STK32C: variants seen among roughly 807,000 people sequenced by gnomAD.
The protein encoded by STK32C is serine/threonine-protein kinase 32C.
STK32C carries 31 observed loss-of-function variants against 56.5 expected under a neutral mutation model. That is an observed-to-expected ratio of 0.55 (90% CI 0.41 to 0.74). STK32C has a LOEUF of 0.74. Ranked by LOEUF, STK32C falls within the 30% of genes least tolerant of loss-of-function variation. STK32C has a pLI of 0.00. For missense variants in STK32C, 544 were observed against 676.9 expected (o/e 0.80, Z 2.18); for synonymous variants, 309 against 289.4 (o/e 1.07, Z -0.69).
intron 10 of STK32C, among the ~76,000 whole-genome samples, 186 bp downstream of exon 10, chr10:132,222,455 A>T (rs1303700543): frequency 6.6e-6 from 1 of 152,126 alleles, no homozygotes; most frequent in Non-Finnish European, 1.5e-5. Context: ...CCTGCTTCAT[A>T]AGGAGCGAGG....
intron 1 of STK32C, among the ~76,000 whole-genome samples, chr10:132,283,216 G>A (rs565888877): frequency 3.9e-5 from 6 of 152,368 alleles, no homozygotes; most frequent in Admixed American, 1.3e-4. Context: ...CTCTGTGAGC[G>A]CTACTGAAGA....
At chr10:132,294,999 G>A (rs2065694392) in intron 1 of STK32C, among the ~76,000 whole-genome samples, 1 of 152,194 alleles carries the variant, frequency 6.6e-6, no homozygotes, top group Admixed American at 6.5e-5. Context: ...GATGTCAGCG[G>A]CCTCTGCCCC....
At chr10:132,246,290 A>AC (rs1275909847) in intron 1 of STK32C, among the ~76,000 whole-genome samples, 3 of 152,152 alleles carry the variant, frequency 2.0e-5, no homozygotes, top group South Asian at 4.1e-4. Context: ...GGCACCAGCC[A>AC]CCCCCACTGA....
intron 1 of STK32C, chr10:132,249,017 G>A (rs1479498555): frequency 8.6e-6 from 4 of 467,302 alleles, no homozygotes; most frequent in South Asian, 6.2e-5. Flanking sequence ...TGGGTCACCT[G>A]CGCCCTGCAC....
intron 10 of STK32C, 141 bp from the exon 11 acceptor site, chr10:132,209,242 G>T: frequency 1.3e-6 from 1 of 780,230 alleles, no homozygotes; most frequent in Non-Finnish European, 2.2e-6. Context: ...GAAGTGCCCC[G>T]GCCCTCCAGC....
intron 10 of STK32C, among the ~76,000 whole-genome samples, chr10:132,217,297 G>T (rs2062502787): frequency 6.6e-6 from 1 of 152,162 alleles, no homozygotes; most frequent in Admixed American, 6.5e-5. Context: ...ACTTGCATGG[G>T]GCCTGTAGCC....
intron 1 of STK32C, among the ~76,000 whole-genome samples, chr10:132,290,300 CTCAT>C (rs1404512499): frequency 6.6e-6 from 1 of 152,242 alleles, no homozygotes; most frequent in African/African-American, 2.4e-5. Context: ...TCCACATTGA[CTCAT>C]TCACTTTCTC....
chr10:132,263,257 T>C (rs1301517672), intron 1 of STK32C, among the ~76,000 whole-genome samples: 1 of 151,958 alleles, frequency 6.6e-6, no homozygotes, highest in East Asian at 1.9e-4. Context: ...TATCACACAA[T>C]CGTAAAAAAG....
At chr10:132,268,080 T>C (rs2064644525) in intron 1 of STK32C, among the ~76,000 whole-genome samples, 1 of 150,864 alleles carries the variant, frequency 6.6e-6, no homozygotes, top group South Asian at 2.1e-4. Context: ...CGTGTGTGTG[T>C]GTGTCGGTGT....
Position 132,226,876 on chromosome 10 carries a change from A to C in STK32C, c.563T>G (p.Phe188Cys). ...GTACAGCCTCACCGTGTCCTCGGAGAACTGCACGTTCTGCTGCAGGTGGTA... is the reference window on the plus strand; with the variant it reads ...GTACAGCCTCACCGTGTCCTCGGAGCACTGCACGTTCTGCTGCAGGTGGTA... Reference protein sequence around the residue: ...LRYHLQQNVQFSEDTVRLYIC... With the variant: ...LRYHLQQNVQCSEDTVRLYIC... The change falls in exon 4 of 12, where the codon TTC becomes TGC. Residue 188 changes from phenylalanine to cysteine, a missense_variant. Transcript: ENST00000298630. 1 of 1,613,458 alleles carries C rather than the reference A, an allele frequency of 6.2e-7. No individual in the cohort carries two copies. Among genetic ancestry groups the C allele is most frequent in the Non-Finnish European group, 8.5e-7 (1 of 1,180,024 alleles).
chr10:132,262,753 CAAAA>C (rs34135037), intron 1 of STK32C, among the ~76,000 whole-genome samples: 18 of 73,412 alleles, frequency 2.5e-4, no homozygotes, highest in African/African-American at 7.3e-4. Flanking sequence ...GACTCCATCT[CAAAA>C]AAAAAAAAAA....
chr10:132,269,926 G>A (rs559101816), intron 1 of STK32C, among the ~76,000 whole-genome samples: 14 of 152,352 alleles, frequency 9.2e-5, no homozygotes, highest in Admixed American at 2.0e-4. Context: ...CGTGGGCCCC[G>A]GATGCCTGAG....
downstream of STK32C, among the ~76,000 whole-genome samples, chr10:132,322,966 T>C (rs575389592): frequency 6.6e-6 from 1 of 152,182 alleles, no homozygotes; most frequent in Non-Finnish European, 1.5e-5. Context: ...AAAGAACAGA[T>C]AGCTGGTTCT....
At chr10:132,224,263 G>GC (rs1565075390) in intron 8 of STK32C, 144 bp downstream of exon 8, 5 of 659,330 alleles carry the variant, frequency 7.6e-6, no homozygotes, top group African/African-American at 5.3e-5. Context: ...ATCTGCGGAG[G>GC]CCCCCACAGG....
intron 4 of STK32C, 78 bp downstream of exon 4, chr10:132,226,717 C>T (rs1280752628): frequency 2.6e-6 from 4 of 1,543,856 alleles, no homozygotes; most frequent in African/African-American, 1.4e-5. Context: ...GTACGGCCGC[C>T]GTGCCGGCAG....
intron 1 of STK32C, among the ~76,000 whole-genome samples, chr10:132,329,769 G>A (rs1330880751): frequency 6.6e-6 from 1 of 152,182 alleles, no homozygotes. Flanking sequence ...TGCCACGGGA[G>A]GACAGATGGC....
chr10:132,234,508 CAGAG>C (rs1392198729), intron 2 of STK32C, among the ~76,000 whole-genome samples: 8 of 152,224 alleles, frequency 5.3e-5, no homozygotes, highest in African/African-American at 1.7e-4. Context: ...CTCCTTCACT[CAGAG>C]AGCTTTCTCT....
At chr10:132,285,446 A>G (rs2065371426) in intron 1 of STK32C, among the ~76,000 whole-genome samples, 1 of 152,252 alleles carries the variant, frequency 6.6e-6, no homozygotes, top group Non-Finnish European at 1.5e-5. Flanking sequence ...GCAAGACACC[A>G]CTATATATTT....
At position 132,236,045 on chromosome 10, in the gene STK32C, C is replaced by T. The variant is rs373308324; in HGVS notation, c.319-7917G>A. On this transcript the variant is annotated intron_variant, in intron 2 of 11. Coordinates refer to ENST00000298630, the MANE Select transcript of STK32C (RefSeq NM_173575.4). ...CGTCGGTCCCTGATGAGGCCGGACCCGGGTGCTTGTGGGGGGTCACAGTGT... is the reference window on the plus strand; with the variant it reads ...CGTCGGTCCCTGATGAGGCCGGACCTGGGTGCTTGTGGGGGGTCACAGTGT... 1.1e-3 allele frequency among the ~76,000 whole-genome samples: 160 copies of T among 152,246 alleles called. 9 individuals carry two copies. The South Asian group carries it at 0.032, about 30-fold the overall frequency.
Sources: gnomAD v4.1 joint callset for allele counts (sites outside exome capture counted in the v4.1 genomes callset) on GRCh38, gnomAD v4.1.1 for gene constraint, MANE v1.5 for transcripts, NCBI Gene and HGNC (gene_info 2026-07-23, HGNC 2026-07-21) for gene names.